The following TLR6 variants were observed in gnomAD, a reference collection of about 807,000 sequenced individuals.
The protein encoded by TLR6 is toll like receptor 6.
Under a neutral mutation model 16.1 loss-of-function variants are expected in TLR6, and 9 were observed. That is an observed-to-expected ratio of 0.56 (90% CI 0.34 to 0.98). TLR6 has a LOEUF of 0.98. TLR6 is among the 50% of genes least tolerant of loss of function. The pLI is 0.02. For missense variants in TLR6, 786 were observed against 921.0 expected, an observed-to-expected ratio of 0.85 and a Z score of 1.90; for synonymous variants, 340 against 338.6, an observed-to-expected ratio of 1.00 and a Z score of -0.04.
chr4:38,844,163 G>A (rs541275691), intron 1 of TLR6, among the ~76,000 whole-genome samples: 1 of 152,272 alleles, frequency 6.6e-6, no homozygotes, highest in South Asian at 2.1e-4. Context: ...AACCACTTTA[G>A]GGAGCACACC....
chr4:38,862,214 G>C, the TLR6 span, among the ~76,000 whole-genome samples: 1 of 152,120 alleles, frequency 6.6e-6, no homozygotes, highest in East Asian at 1.9e-4. Flanking sequence ...ACTCAAGGAA[G>C]TCACTCTTGC....
the TLR6 span, among the ~76,000 whole-genome samples, chr4:38,863,641 T>G: frequency 2.0e-5 from 3 of 152,206 alleles, no homozygotes; most frequent in Non-Finnish European, 4.4e-5. Flanking sequence ...TTGCTCAAAC[T>G]CTACATTCAA....
chr4:38,823,342 G>A (rs951592432), downstream of TLR6, among the ~76,000 whole-genome samples: 2 of 152,212 alleles, frequency 1.3e-5, no homozygotes, highest in Non-Finnish European at 2.9e-5. Context: ...AAGCCTAGGT[G>A]TGTAGTAAGC....
upstream of TLR6, among the ~76,000 whole-genome samples, chr4:38,858,875 GAA>G (rs1278203201): frequency 3.2e-5 from 4 of 125,524 alleles, no homozygotes; most frequent in Non-Finnish European, 3.4e-5. Context: ...AAGAAAGAAA[GAA>G]AGAAAGAAAG....
chr4:38,841,168 A>G (rs553126512), intron 1 of TLR6, among the ~76,000 whole-genome samples: 4 of 143,146 alleles, frequency 2.8e-5, no homozygotes, highest in East Asian at 2.1e-4. Flanking sequence ...ATCATTTCCA[A>G]TACTGGAGGT....
In TLR6 at chr4:38,828,363, C is replaced by A. The variant is rs1290192614; in HGVS notation, c.1111G>T (p.Glu371Ter). Reference sequence around the variant, plus strand: ...AATTTAACTAACGTGGAACATTTTTCAAAAATACTATCTGTGAAAACGTTC... The same window carrying A: ...AATTTAACTAACGTGGAACATTTTTAAAAAATACTATCTGTGAAAACGTTC... The change falls in exon 2 of 2, where the codon GAA becomes TAA. Residue 371 changes from glutamate (E) to a stop codon, truncating the protein, a stop_gained. Transcript: ENST00000436693. LOFTEE classifies it low-confidence loss of function (END_TRUNC). The A allele has an allele frequency of 6.2e-7, 1 of 1,612,798 alleles. No individual in the cohort carries two copies. Among genetic ancestry groups the A allele is most frequent in the Admixed American group, 1.7e-5 (1 of 59,926 alleles).
intron 1 of TLR6, among the ~76,000 whole-genome samples, chr4:38,847,773 C>G (rs533967202): frequency 2.5e-4 from 38 of 152,008 alleles, no homozygotes; most frequent in Middle Eastern, 3.4e-3. Context: ...AGTAGGTAAA[C>G]AAAGCAGCCA....
chr4:38,844,794 C>A (rs1712446431), intron 1 of TLR6, among the ~76,000 whole-genome samples: 1 of 152,186 alleles, frequency 6.6e-6, no homozygotes, highest in Admixed American at 6.5e-5. Context: ...TGGCTCATAC[C>A]TGTAATCCCA....
At chr4:38,838,542 G>A (rs560605621) in intron 1 of TLR6, among the ~76,000 whole-genome samples, 4 of 152,260 alleles carry the variant, frequency 2.6e-5, no homozygotes, top group African/African-American at 7.2e-5. Flanking sequence ...GCTAAAATAC[G>A]CATCTCAGGA....
chr4:38,828,325 G>A, exon 2 of TLR6: 1 of 1,613,422 alleles, frequency 6.2e-7, no homozygotes, highest in South Asian at 1.1e-5. Context: ...TCTTTTGTAA[G>A]ATAAGTGTCT....
chr4:38,832,440 T>G (rs1711656386), intron 1 of TLR6, among the ~76,000 whole-genome samples: 1 of 152,180 alleles, frequency 6.6e-6, no homozygotes, highest in Non-Finnish European at 1.5e-5. Context: ...GAGGTCAATG[T>G]TTCCACTATG....
chr4:38,853,095 G>A (rs1394534416), intron 1 of TLR6, among the ~76,000 whole-genome samples: 2 of 150,686 alleles, frequency 1.3e-5, no homozygotes, highest in Admixed American at 6.6e-5. Context: ...CATGGATGAA[G>A]CTGGAAACCA....
intron 1 of TLR6, among the ~76,000 whole-genome samples, chr4:38,848,836 C>T (rs868239654): frequency 1.2e-4 from 18 of 152,246 alleles, no homozygotes; most frequent in Middle Eastern, 3.4e-3. Context: ...GAGAATGGAA[C>T]CATGTTGGAA....
chr4:38,827,163 C>T (rs1208894816), exon 2 of TLR6: 2 of 1,614,106 alleles, frequency 1.2e-6, no homozygotes, highest in Admixed American at 1.7e-5. Context: ...CAAAAGAGCC[C>T]ACGTTTGCTT....
intron 1 of TLR6, among the ~76,000 whole-genome samples, chr4:38,853,187 T>G: frequency 7.4e-6 from 1 of 134,638 alleles, no homozygotes; most frequent in Non-Finnish European, 1.5e-5. Context: ...CAATGAGAAC[T>G]CTTGGACACA....
At chr4:38,846,063 G>A (rs1168084504) in intron 1 of TLR6, among the ~76,000 whole-genome samples, 1 of 145,318 alleles carries the variant, frequency 6.9e-6, no homozygotes, top group Non-Finnish European at 1.5e-5. Flanking sequence ...CTGTACTCCA[G>A]GCTGGGCCAC....
the TLR6 span, among the ~76,000 whole-genome samples, chr4:38,863,825 A>G: frequency 6.6e-6 from 1 of 151,900 alleles, no homozygotes. Context: ...TCCCACCTTC[A>G]CCCAATTCCA....
At chr4:38,864,699 G>A in the TLR6 span, among the ~76,000 whole-genome samples, 1 of 152,208 alleles carries the variant, frequency 6.6e-6, no homozygotes, top group Admixed American at 6.5e-5. Flanking sequence ...GAGGACATAT[G>A]CAGCAAACAT....
At chr4:38,840,678 T>C (rs1233346980) in intron 1 of TLR6, among the ~76,000 whole-genome samples, 4 of 151,362 alleles carry the variant, frequency 2.6e-5, no homozygotes, top group Non-Finnish European at 5.9e-5. Flanking sequence ...TGTTGATTGA[T>C]CACCAGTATT....
Sources: gnomAD v4.1 joint callset for allele counts (sites outside exome capture counted in the v4.1 genomes callset) on GRCh38, gnomAD v4.1.1 for gene constraint, MANE v1.5 for transcripts, NCBI Gene and HGNC (gene_info 2026-07-23, HGNC 2026-07-21) for gene names.